The following NXPH1 variants were observed in gnomAD, a reference collection of about 807,000 sequenced individuals.
NXPH1 encodes neurexophilin-1.
A neutral mutation model predicts 23.7 loss-of-function variants in NXPH1; 5 were observed. The ratio of observed to expected loss-of-function variants is 0.21; its 90% CI spans 0.11 to 0.44. The LOEUF (loss-of-function observed/expected upper bound fraction) is 0.44. NXPH1 is among the 20% of genes least tolerant of loss of function. NXPH1 has a pLI of 0.99. For missense variants in NXPH1, 324 were observed against 321.6 expected (o/e 1.01, Z -0.06); for synonymous variants, 144 against 122.2 (o/e 1.18, Z -1.18).
At chr7:8,704,850 C>T (rs935530873) in intron 2 of NXPH1, among the ~76,000 whole-genome samples, 1 of 152,052 alleles carries the variant, frequency 6.6e-6, no homozygotes, top group Non-Finnish European at 1.5e-5. Flanking sequence ...TAGGTTAAGT[C>T]AGCTTTCAGA....
chr7:8,517,357 G>A (rs1237067279), intron 2 of NXPH1, among the ~76,000 whole-genome samples: 2 of 152,090 alleles, frequency 1.3e-5, no homozygotes, highest in Non-Finnish European at 2.9e-5. Flanking sequence ...TAGGCATGTG[G>A]AGGACATATG....
chr7:8,622,034 T>A (rs1819887280), intron 2 of NXPH1, among the ~76,000 whole-genome samples: 1 of 152,122 alleles, frequency 6.6e-6, no homozygotes, highest in South Asian at 2.1e-4. Flanking sequence ...CGGTGAGTAT[T>A]GGTATTTTTG....
At chr7:8,687,590 A>G (rs1821167295) in intron 2 of NXPH1, among the ~76,000 whole-genome samples, 1 of 152,208 alleles carries the variant, frequency 6.6e-6, no homozygotes, top group East Asian at 1.9e-4. Context: ...AATCAGAAAG[A>G]AATGAGCTTA....
chr7:8,511,463 T>C (rs901270473), intron 2 of NXPH1, among the ~76,000 whole-genome samples: 5 of 152,202 alleles, frequency 3.3e-5, no homozygotes, highest in African/African-American at 1.2e-4. Context: ...GGCACCCTGC[T>C]CCCTCTCTCA....
chr7:8,715,467 C>A (rs1406190822), intron 2 of NXPH1, among the ~76,000 whole-genome samples: 3 of 152,094 alleles, frequency 2.0e-5, no homozygotes, highest in Non-Finnish European at 2.9e-5. Context: ...GCAGGGAGGA[C>A]AATTGGGTGT....
chr7:8,715,955 TAGC>T (rs1419948737), intron 2 of NXPH1, among the ~76,000 whole-genome samples: 3 of 152,164 alleles, frequency 2.0e-5, no homozygotes, highest in Admixed American at 1.3e-4. Context: ...ATAAATGTAT[TAGC>T]AGTTGTCAAT....
intron 2 of NXPH1, among the ~76,000 whole-genome samples, chr7:8,498,714 T>G (rs1817380604): frequency 6.6e-6 from 1 of 152,066 alleles, no homozygotes; most frequent in Non-Finnish European, 1.5e-5. Flanking sequence ...TAGCAGTCAA[T>G]GAACACTCTA....
chr7:8,510,774 T>G (rs1195504353), intron 2 of NXPH1, among the ~76,000 whole-genome samples: 1 of 152,142 alleles, frequency 6.6e-6, no homozygotes, highest in Non-Finnish European at 1.5e-5. Flanking sequence ...TTAAATATTC[T>G]GTTATAGGTT....
At chr7:8,624,745 T>C (rs145805265) in intron 2 of NXPH1, among the ~76,000 whole-genome samples, 24 of 152,196 alleles carry the variant, frequency 1.6e-4, no homozygotes, top group Non-Finnish European at 3.2e-4. Context: ...GATTAGGAGT[T>C]GAGAGGTTAT....
chr7:8,508,778 G>C (rs1009910282), intron 2 of NXPH1, among the ~76,000 whole-genome samples: 13 of 152,142 alleles, frequency 8.5e-5, no homozygotes, highest in Admixed American at 7.2e-4. Context: ...TGAATACATA[G>C]CACAGTGATC....
At chr7:8,745,472 C>G (rs1448008774) in intron 2 of NXPH1, among the ~76,000 whole-genome samples, 2 of 151,938 alleles carry the variant, frequency 1.3e-5, no homozygotes, top group Non-Finnish European at 2.9e-5. Flanking sequence ...AGATGTTTGT[C>G]TATGAATGTA....
At chr7:8,628,782 G>A (rs561813384) in intron 2 of NXPH1, among the ~76,000 whole-genome samples, 1 of 152,134 alleles carries the variant, frequency 6.6e-6, no homozygotes, top group East Asian at 1.9e-4. Context: ...AGTAGAATGT[G>A]TAAATTTAGC....
At position 8,665,917 on chromosome 7, in the gene NXPH1, TC is replaced by T. The variant is rs1562447986; in HGVS notation, c.55-85090del. 0.013 allele frequency among the ~76,000 whole-genome samples: 329 copies of T among 25,064 alleles called. 2 individuals are homozygous for T. In the Middle Eastern group the frequency reaches 0.17, roughly 13 times the overall value. 16.4% of individuals were successfully genotyped at this position (25,064 alleles called of 152,430 possible). On this transcript the variant is annotated intron_variant, in intron 2 of 2. Coordinates refer to ENST00000405863, the MANE Select transcript of NXPH1 (RefSeq NM_152745.3). ...GTTCTAAGAGGTTTTTTTTTCTTTT[TC>T]TTTTTTTTTTTTTTTTGAAGGAGTC...
intron 2 of NXPH1, among the ~76,000 whole-genome samples, chr7:8,516,203 T>G (rs571131832): frequency 1.2e-4 from 19 of 152,260 alleles, no homozygotes; most frequent in African/African-American, 4.3e-4. Context: ...TTTACCTCTT[T>G]AGCCATTACT....
intron 2 of NXPH1, among the ~76,000 whole-genome samples, chr7:8,491,934 C>G (rs1817254063): frequency 6.6e-6 from 1 of 151,980 alleles, no homozygotes; most frequent in African/African-American, 2.4e-5. Flanking sequence ...CTGAAGCTTT[C>G]CACAGCCATC....
At chr7:8,612,698 A>G (rs953574009) in intron 2 of NXPH1, among the ~76,000 whole-genome samples, 3 of 152,032 alleles carry the variant, frequency 2.0e-5, no homozygotes, top group Admixed American at 1.3e-4. Flanking sequence ...TTTTGTTAGC[A>G]TTCTGTCTTC....
intron 2 of NXPH1, among the ~76,000 whole-genome samples, chr7:8,548,264 A>G (rs1174538952): frequency 6.6e-6 from 1 of 151,568 alleles, no homozygotes; most frequent in Non-Finnish European, 1.5e-5. Context: ...CTCAATGAGC[A>G]CTACTCCTAG....
intron 2 of NXPH1, among the ~76,000 whole-genome samples, chr7:8,722,543 G>T (rs1214093496): frequency 6.6e-6 from 1 of 152,176 alleles, no homozygotes; most frequent in African/African-American, 2.4e-5. Flanking sequence ...AATAGACTAG[G>T]TTAATGCCTC....
chr7:8,750,892 T>C (rs185190473), intron 2 of NXPH1, 116 bp from the exon 3 acceptor site: 2 of 1,039,312 alleles, frequency 1.9e-6, no homozygotes, highest in East Asian at 4.8e-5. Flanking sequence ...GATGCGGTGC[T>C]TTTAAAAAAA....
Sources: allele counts gnomAD v4.1 joint callset (sites outside exome capture counted in the v4.1 genomes callset), GRCh38; gene constraint gnomAD v4.1.1; transcripts MANE v1.5; gene names NCBI Gene and HGNC (gene_info 2026-07-23, HGNC 2026-07-21).